DIP2C: variants seen among roughly 807,000 people sequenced by gnomAD.
DIP2C encodes disco-interacting protein 2 homolog C.
In DIP2C, 33 loss-of-function variants were observed where a neutral mutation model predicts 192.4. The ratio of observed to expected loss-of-function variants is 0.17; its 90% CI spans 0.13 to 0.23. The LOEUF is 0.23. DIP2C is among the 10% of genes least tolerant of loss of function. The pLI is 1.00. For synonymous variants in DIP2C, 979 were observed against 864.1 expected (o/e 1.13, Z -2.33); for missense variants, 1,537 against 2,110.1 (o/e 0.73, Z 5.32).
intron 31 of DIP2C, among the ~76,000 whole-genome samples, chr10:319,166 GCCT>G (rs774473612): frequency 1.2e-4 from 18 of 152,154 alleles, no homozygotes; most frequent in Non-Finnish European, 2.4e-4. Context: ...ACCCGCCTCA[GCCT>G]CCTGAAGTGC....
Position 390,329 on chromosome 10 carries a change from A to G in DIP2C, c.1429T>C (p.Ser477Pro). 6.2e-7 allele frequency: 1 copy of G among 1,613,998 alleles called. No homozygotes were observed. The highest frequency in any genetic ancestry group is 8.5e-7 in the Non-Finnish European group (1 of 1,180,008). ...GGGAACCAGTCTCGGGGCGGTTTGG[A>G]GAGATGTTTAGACTCTGTGACAAAC... ...LWFVTESKHL[S>P]KPPRDWFPHI... The change falls in exon 12 of 37, where the codon TCC (serine) becomes CCC (proline). Residue 477 changes from serine (S) to proline (P), a missense_variant. Coordinates refer to ENST00000280886, the MANE Select transcript of DIP2C (RefSeq NM_014974.3).
chr10:454,632 T>C (rs538610119), intron 3 of DIP2C, among the ~76,000 whole-genome samples: 1 of 147,686 alleles, frequency 6.8e-6, no homozygotes, highest in Admixed American at 6.6e-5. Context: ...TTCGAACCCC[T>C]CAGAGAAAGA....
chr10:579,226 T>G (rs1480224075), intron 1 of DIP2C, among the ~76,000 whole-genome samples: 1 of 147,916 alleles, frequency 6.8e-6, no homozygotes, highest in Middle Eastern at 4.2e-3. Context: ...CCAGATCCAT[T>G]TAGTGTACGT....
intron 1 of DIP2C, among the ~76,000 whole-genome samples, chr10:620,402 T>A (rs1853781976): frequency 6.6e-6 from 1 of 152,072 alleles, no homozygotes; most frequent in African/African-American, 2.4e-5. Context: ...TACATTGGAC[T>A]CAAAGAAAAC....
chr10:352,706 C>A (rs1417929368), intron 24 of DIP2C, among the ~76,000 whole-genome samples: 1 of 152,154 alleles, frequency 6.6e-6, no homozygotes, highest in Non-Finnish European at 1.5e-5. Context: ...GAGGGACAGT[C>A]GCTCCTGGCT....
intron 1 of DIP2C, among the ~76,000 whole-genome samples, chr10:627,381 A>G (rs1372955512): frequency 1.3e-5 from 2 of 152,226 alleles, no homozygotes; most frequent in Non-Finnish European, 2.9e-5. Context: ...GTACAAGAGA[A>G]CTGGATTTTC....
At chr10:482,074 CA>C (rs1225087719) in intron 2 of DIP2C, among the ~76,000 whole-genome samples, 1 of 152,194 alleles carries the variant, frequency 6.6e-6, no homozygotes, top group African/African-American at 2.4e-5. Flanking sequence ...ACTGAAGGAT[CA>C]GGGGAGAAAT....
intron 1 of DIP2C, among the ~76,000 whole-genome samples, chr10:568,765 C>CAAAAA (rs1206501677): frequency 0.056 from 2,134 of 37,844 alleles, 685 homozygotes; most frequent in Middle Eastern, 0.12. Flanking sequence ...AACTCCGTCT[C>CAAAAA]AAAAAAAAAA....
intron 1 of DIP2C, among the ~76,000 whole-genome samples, chr10:640,651 G>A (rs912737139): frequency 6.7e-6 from 1 of 150,032 alleles, no homozygotes; most frequent in South Asian, 2.1e-4. Flanking sequence ...GGGTGCGCGC[G>A]GGGAAGAGGG....
At chr10:383,344 A>C (rs1962550135) in intron 16 of DIP2C, among the ~76,000 whole-genome samples, 1 of 152,232 alleles carries the variant, frequency 6.6e-6, no homozygotes, top group African/African-American at 2.4e-5. Context: ...TTAGTTTACA[A>C]ACATGAACGT....
chr10:375,703 G>C (rs1961486353), intron 17 of DIP2C, among the ~76,000 whole-genome samples: 1 of 152,146 alleles, frequency 6.6e-6, no homozygotes, highest in Non-Finnish European at 1.5e-5. Context: ...ACCACAAGCA[G>C]AGCCAGGCCA....
chr10:277,364 T>C lies in DIP2C; in HGVS notation c.4632A>G (p.Ala1544=), dbSNP rs748584377. The stretch of plus-strand genomic sequence containing the variant: ...CCACATAGATGGGGTCTAGCTGGTC[T>C]GCCAAAAACCCGTCTCGCAGGTGCA... ...QRMHLRDGFL[A]DQLDPIYVAY... Residue 1544 remains alanine, a synonymous_variant, in exon 37 of 37, where the codon GCA becomes GCG. Transcript: ENST00000280886. 9 of 1,614,194 alleles carry C rather than the reference T, an allele frequency of 5.6e-6. No individual in the cohort carries two copies. The highest frequency in any genetic ancestry group is 7.6e-6 in the Non-Finnish European group (9 of 1,180,048).
chr10:379,658 A>G (rs1388012982), intron 17 of DIP2C, among the ~76,000 whole-genome samples: 1 of 152,252 alleles, frequency 6.6e-6, no homozygotes, highest in Non-Finnish European at 1.5e-5. Context: ...TACATATTCC[A>G]GAGAGGGCCA....
At chr10:607,957 G>A (rs1852618156) in intron 1 of DIP2C, among the ~76,000 whole-genome samples, 1 of 151,780 alleles carries the variant, frequency 6.6e-6, no homozygotes, top group Non-Finnish European at 1.5e-5. Context: ...AGAGGTGGCT[G>A]AGGCTTGCGG....
chr10:498,411 T>A (rs1447683270), intron 1 of DIP2C, among the ~76,000 whole-genome samples: 2 of 152,058 alleles, frequency 1.3e-5, no homozygotes, highest in Admixed American at 6.5e-5. Flanking sequence ...CTAATTCCAC[T>A]CACAATCAGC....
chr10:479,076 T>C (rs1041109595), intron 2 of DIP2C, among the ~76,000 whole-genome samples: 3 of 152,336 alleles, frequency 2.0e-5, no homozygotes, highest in African/African-American at 7.2e-5. Flanking sequence ...TTTTCAGGTC[T>C]GTCCCAGAGC....
intron 1 of DIP2C, among the ~76,000 whole-genome samples, chr10:526,571 C>G (rs971732684): frequency 6.6e-6 from 1 of 150,840 alleles, no homozygotes; most frequent in African/African-American, 2.4e-5. Flanking sequence ...ATAAAAAATT[C>G]TTTTATGTTA....
intron 13 of DIP2C, among the ~76,000 whole-genome samples, chr10:388,035 C>A (rs1051045658): frequency 1.3e-5 from 2 of 152,200 alleles, no homozygotes; most frequent in Admixed American, 6.5e-5. Context: ...GCAGCGTTAG[C>A]TCTCCACACT....
intron 32 of DIP2C, among the ~76,000 whole-genome samples, chr10:289,480 C>T (rs1310886082): frequency 6.6e-6 from 1 of 152,148 alleles, no homozygotes; most frequent in African/African-American, 2.4e-5. Flanking sequence ...GTTGCTTAGG[C>T]TGGTCTCAAG....
Sources: allele counts gnomAD v4.1 joint callset (sites outside exome capture counted in the v4.1 genomes callset), GRCh38; gene constraint gnomAD v4.1.1; transcripts MANE v1.5; gene names NCBI Gene and HGNC (gene_info 2026-07-23, HGNC 2026-07-21).